Variants in SAFB observed in about 807,000 individuals in gnomAD.
SAFB encodes scaffold attachment factor B, also known as scaffold attachment factor B1.
SAFB carries 15 observed loss-of-function variants against 101.6 expected under a neutral mutation model. The ratio of observed to expected loss-of-function variants is 0.15; its 90% CI spans 0.10 to 0.23. SAFB has a LOEUF of 0.23. Among genes scored for constraint, SAFB ranks in the 10% least tolerant of loss-of-function variants. SAFB has a pLI of 1.00. For missense variants in SAFB, 930 were observed against 1,104.1 expected (o/e 0.84, Z 2.23); for synonymous variants, 449 against 407.5 (o/e 1.10, Z -1.23).
At chr19:5,657,155 C>T (rs1244040185) in intron 13 of SAFB, 86 bp from the exon 14 acceptor site, 2 of 941,086 alleles carry the variant, frequency 2.1e-6, no homozygotes, top group Non-Finnish European at 3.3e-6. Context: ...TCCACCCGCC[C>T]TGAACTTTGA....
At chr19:5,633,518 G>C (rs1017376118) in intron 2 of SAFB, among the ~76,000 whole-genome samples, 1 of 152,142 alleles carries the variant, frequency 6.6e-6, no homozygotes, top group African/African-American at 2.4e-5. Context: ...GGTGGCTCAC[G>C]CCTGTAATCC....
rs956043989 is a variant in SAFB at position 5,667,988 on chromosome 19, C to T, written c.2624+102C>T. 9 of 1,436,860 alleles carry T rather than the reference C, an allele frequency of 6.3e-6. No homozygotes were observed. Among genetic ancestry groups the T allele is most frequent in the African/African-American group, 4.3e-5 (3 of 70,494 alleles). 89.0% of individuals were successfully genotyped at this position (1,436,860 alleles called of 1,614,324 possible). A position where few individuals can be genotyped will look rare whatever the true frequency, so the allele number is the denominator to read the frequency against. The stretch of plus-strand genomic sequence containing the variant: ...GTCCTTCCAGCTAGTGCCCCTCCCC[C>T]CAAGGGTGACGTGAGGCCAGGCATG... On this transcript the variant is annotated intron_variant, in intron 20 of 20. Transcript: ENST00000588852. This position sits in a 1 kb window ranked among gnomAD's most constrained non-coding sequence, Gnocchi z 4.0.
At chr19:5,634,002 A>C (rs1190882167) in intron 2 of SAFB, among the ~76,000 whole-genome samples, 1 of 152,120 alleles carries the variant, frequency 6.6e-6, no homozygotes, top group African/African-American at 2.4e-5. Context: ...GCTGGTTAAA[A>C]TTGTTAATCA....
At chr19:5,659,468 G>A (rs188742860) in intron 14 of SAFB, among the ~76,000 whole-genome samples, 24 of 151,240 alleles carry the variant, frequency 1.6e-4, no homozygotes, top group Admixed American at 3.9e-4. Flanking sequence ...TGCAAGCTCC[G>A]TCCCCTGGGT....
intron 1 of SAFB, chr19:5,624,018 T>C (rs1432906458): frequency 6.6e-6 from 1 of 152,184 alleles, no homozygotes; most frequent in East Asian, 1.9e-4. Context: ...GGAAAAGTGG[T>C]GTTGACGGTA....
intron 2 of SAFB, among the ~76,000 whole-genome samples, chr19:5,628,430 T>C (rs192978125): frequency 1.3e-5 from 2 of 152,326 alleles, no homozygotes; most frequent in Admixed American, 1.3e-4. Context: ...AACAAGAAAT[T>C]TGTTTCTTAT....
Position 5,641,059 on chromosome 19 carries a change from G to A in SAFB, c.275-535G>A, listed in dbSNP as rs1436021512. 7.2e-5 allele frequency among the ~76,000 whole-genome samples: 11 copies of A among 151,832 alleles called. No individual in the cohort carries two copies. The South Asian group carries it at 1.7e-3, about 23-fold the overall frequency. Reference sequence around the variant, plus strand: ...ATTGTCCTGTATTTTTAGTAGAGACGGGGTTTCACCATGTTTTCCAGGCTG... The same window carrying A: ...ATTGTCCTGTATTTTTAGTAGAGACAGGGTTTCACCATGTTTTCCAGGCTG... On this transcript the variant is annotated intron_variant, in intron 2 of 20. Transcript: ENST00000588852.
chr19:5,651,052 C>T lies in SAFB; in HGVS notation c.1273C>T (p.Leu425Phe). ...AACCAGAGCTACAGATTTGAAGAATCTTTTCAGCAAATATGGGAAGGTAAG... is the reference window on the plus strand; with the variant it reads ...AACCAGAGCTACAGATTTGAAGAATTTTTTCAGCAAATATGGGAAGGTAAG... ...STTRATDLKNLFSKYGKVVGA... is the reference protein window; with the variant it reads ...STTRATDLKNFFSKYGKVVGA... The change falls in exon 9 of 21, where the codon CTT becomes TTT. Residue 425 changes from leucine to phenylalanine, a missense_variant. This residue lies in a region of SAFB where 68 missense variants were observed against 122.1 expected (regional missense o/e 0.56). Transcript: ENST00000588852. The T allele has an allele frequency of 6.2e-7, 1 of 1,607,062 alleles. No individual in the cohort carries two copies. The highest frequency in any genetic ancestry group is 8.5e-7 in the Non-Finnish European group (1 of 1,175,808).
In SAFB at chr19:5,641,842, G is replaced by T. The variant is rs2053721306; in HGVS notation, c.442G>T (p.Val148Phe). The change falls in exon 4 of 21, where the codon GTC becomes TTC. Residue 148 changes from valine (V) to phenylalanine (F), a missense_variant. By Grantham distance (50) the Val-to-Phe change is conservative. Transcript: ENST00000588852. ...TGATAATGGAAGCGTTGCAGATTGT[G>T]TCGAAGACGATGATGCTGATAACCT... ...EIDNGSVADCVEDDDADNLQE... is the reference protein window; with the variant it reads ...EIDNGSVADCFEDDDADNLQE... The T allele has an allele frequency of 6.2e-7, 1 of 1,614,040 alleles. No individual in the cohort carries two copies. The highest frequency in any genetic ancestry group is 8.5e-7 in the Non-Finnish European group (1 of 1,180,022).
At chr19:5,626,355 AGTGT>A (rs2053360445) in intron 1 of SAFB, 46 bp from the exon 2 acceptor site, 1 of 1,022,360 alleles carries the variant, frequency 9.8e-7, no homozygotes, top group Non-Finnish European at 1.6e-6. Flanking sequence ...CTCTGAAAGC[AGTGT>A]GTGAGCTGAC....
chr19:5,660,605 C>T (rs1229410032), intron 14 of SAFB, among the ~76,000 whole-genome samples: 1 of 149,314 alleles, frequency 6.7e-6, no homozygotes, highest in Non-Finnish European at 1.5e-5. Context: ...AGCCTGGGCA[C>T]AGTGGTTCAT....
intron 1 of SAFB, among the ~76,000 whole-genome samples, chr19:5,623,753 C>T (rs1269300625): frequency 1.3e-5 from 2 of 151,796 alleles, no homozygotes; most frequent in Non-Finnish European, 2.9e-5. Context: ...GGGGAAGGGA[C>T]TCGGCCAAGG....
chr19:5,658,853 G>T (rs974643511), intron 14 of SAFB, among the ~76,000 whole-genome samples: 3 of 144,776 alleles, frequency 2.1e-5, no homozygotes, highest in Admixed American at 6.9e-5. Context: ...AAAAAAAAAG[G>T]GGGGGTCGGG....
rs2054359966 is a variant in SAFB at position 5,667,509 on chromosome 19, G to A, written c.2557+59G>A. The A allele has an allele frequency of 8.2e-7, 1 of 1,224,690 alleles. No homozygotes were observed. Among genetic ancestry groups the A allele is most frequent in the Admixed American group, 2.8e-5 (1 of 36,104 alleles). The allele number at this position is 1,224,690 out of a possible 1,614,324, so 75.9% of individuals were successfully genotyped here. On this transcript the variant is annotated intron_variant, in intron 19 of 20. Coordinates refer to ENST00000588852, the MANE Select transcript of SAFB (RefSeq NM_001201338.2). This position sits in a 1 kb window ranked among gnomAD's most constrained non-coding sequence, Gnocchi z 4.0. ...GCTGGGGAGTGATGGAAAGATGGAGGCCGCGCCTTCTCTCCTTGGGGGAGC... is the reference window on the plus strand; with the variant it reads ...GCTGGGGAGTGATGGAAAGATGGAGACCGCGCCTTCTCTCCTTGGGGGAGC...
intron 14 of SAFB, among the ~76,000 whole-genome samples, 187 bp from the exon 15 acceptor site, chr19:5,661,331 C>CT (rs146747751): frequency 0.038 from 5,801 of 152,278 alleles, 397 homozygotes; most frequent in African/African-American, 0.13. Flanking sequence ...GGCCTCACTC[C>CT]TGAGATCTTC....
At chr19:5,625,556 A>G (rs916749985) in intron 1 of SAFB, among the ~76,000 whole-genome samples, 6 of 152,212 alleles carry the variant, frequency 3.9e-5, no homozygotes, top group African/African-American at 1.4e-4. Context: ...ACTTGTGCTC[A>G]TGGGACTGGA....
intron 1 of SAFB, 81 bp downstream of exon 1, chr19:5,623,475 T>G: frequency 7.9e-7 from 1 of 1,272,124 alleles, no homozygotes; most frequent in Non-Finnish European, 1.1e-6. Context: ...GGCCCTGGCG[T>G]CCGCCCCCGG....
chr19:5,623,500 T>G, intron 1 of SAFB, 106 bp downstream of exon 1: 2 of 913,904 alleles, frequency 2.2e-6, no homozygotes, highest in Non-Finnish European at 3.2e-6. Context: ...GTTCGCGGCC[T>G]CGCCGGACCT....
intron 17 of SAFB, chr19:5,665,304 G>A (rs2054303537): frequency 6.6e-6 from 1 of 152,114 alleles, no homozygotes; most frequent in Non-Finnish European, 1.5e-5. Context: ...TTTCTTTGGT[G>A]GAGGAGCATA....
Sources: gnomAD v4.1 joint callset for allele counts (sites outside exome capture counted in the v4.1 genomes callset) on GRCh38, gnomAD v4.1.1 for gene constraint, gnomAD v4.1.1 regional missense constraint, Gnocchi (gnomAD v3.1) non-coding constraint, MANE v1.5 for transcripts, NCBI Gene and HGNC (gene_info 2026-07-23, HGNC 2026-07-21) for gene names.